The following NBEA variants were observed in gnomAD, a reference collection of about 807,000 sequenced individuals.
The protein encoded by NBEA is neurobeachin, also known as lysosomal-trafficking regulator 2.
A neutral mutation model predicts 343.4 loss-of-function variants in NBEA; 44 were observed. That is an observed-to-expected ratio of 0.13 (90% CI 0.10 to 0.16). NBEA has a LOEUF of 0.16. NBEA is among the 10% of genes least tolerant of loss of function. The pLI is 1.00. For synonymous variants in NBEA, 1,175 were observed against 1,238.7 expected (o/e 0.95, Z 1.08); for missense variants, 2,555 against 3,631.3 (o/e 0.70, Z 7.62).
chr13:35,354,173 C>T (rs536236516), intron 38 of NBEA, among the ~76,000 whole-genome samples: 1 of 152,278 alleles, frequency 6.6e-6, no homozygotes, highest in Non-Finnish European at 1.5e-5. Flanking sequence ...GCATTATAGC[C>T]TAGCCAGGTT....
intron 48 of NBEA, among the ~76,000 whole-genome samples, chr13:35,625,446 G>A (rs991912370): frequency 2.0e-5 from 3 of 151,948 alleles, no homozygotes; most frequent in East Asian, 1.9e-4. Context: ...GCGAAACCCT[G>A]TCCCTGCAAT....
intron 47 of NBEA, among the ~76,000 whole-genome samples, chr13:35,603,896 CTT>C (rs906726029): frequency 4.6e-5 from 7 of 152,212 alleles, no homozygotes; most frequent in African/African-American, 1.7e-4. Context: ...TTCTCTGCGC[CTT>C]TTACTAATTC....
intron 10 of NBEA, among the ~76,000 whole-genome samples, chr13:35,083,527 A>G (rs2064544554): frequency 6.6e-6 from 1 of 152,140 alleles, no homozygotes; most frequent in Admixed American, 6.6e-5. Flanking sequence ...TAATTGAAGG[A>G]GTAATAAAAT....
chr13:35,485,353 G>A (rs2076271535), intron 41 of NBEA, among the ~76,000 whole-genome samples: 1 of 151,948 alleles, frequency 6.6e-6, no homozygotes, highest in Non-Finnish European at 1.5e-5. Context: ...AAACCACTCT[G>A]CTGGAGCTGT....
intron 38 of NBEA, among the ~76,000 whole-genome samples, chr13:35,381,815 C>T (rs2042025291): frequency 6.6e-6 from 1 of 152,022 alleles, no homozygotes; most frequent in Non-Finnish European, 1.5e-5. Context: ...CACCTTAATC[C>T]TTAATGAAAT....
intron 1 of NBEA, among the ~76,000 whole-genome samples, chr13:34,986,597 C>T (rs890470903): frequency 6.6e-6 from 1 of 150,530 alleles, no homozygotes; most frequent in African/African-American, 2.4e-5. Flanking sequence ...CCTTGTTAAC[C>T]TTTGGTCTCA....
chr13:35,070,641 T>C (rs1166595261), intron 9 of NBEA, 78 bp from the exon 10 acceptor site: 17 of 1,280,396 alleles, frequency 1.3e-5, no homozygotes, highest in Non-Finnish European at 1.7e-5. Context: ...AATTCTATTA[T>C]AAAGGTATTT....
chr13:35,326,908 A>G (rs2038600931), intron 36 of NBEA, among the ~76,000 whole-genome samples: 1 of 152,118 alleles, frequency 6.6e-6, no homozygotes, highest in Non-Finnish European at 1.5e-5. Flanking sequence ...AATATCCGGA[A>G]TCTATAAAGA....
chr13:35,273,156 T>G (rs2034301640), intron 34 of NBEA, among the ~76,000 whole-genome samples: 1 of 152,184 alleles, frequency 6.6e-6, no homozygotes, highest in African/African-American at 2.4e-5. Context: ...AAACTTTCTC[T>G]CAGACCACAG....
intron 38 of NBEA, among the ~76,000 whole-genome samples, chr13:35,391,646 C>T (rs4477557): frequency 0.7 from 106,343 of 151,788 alleles, 39,408 homozygotes; most frequent in Non-Finnish European, 0.81. Flanking sequence ...ATTGTAGATG[C>T]ATGAAGTATG....
intron 17 of NBEA, among the ~76,000 whole-genome samples, chr13:35,128,640 A>G (rs1291927536): frequency 2.0e-5 from 3 of 152,088 alleles, no homozygotes; most frequent in Non-Finnish European, 4.4e-5. Flanking sequence ...GGATCTCATC[A>G]TTTAAAATTC....
At chr13:35,035,412 T>C (rs1212451547) in intron 1 of NBEA, among the ~76,000 whole-genome samples, 1 of 152,018 alleles carries the variant, frequency 6.6e-6, no homozygotes, top group African/African-American at 2.4e-5. Context: ...TGTCTCAAGA[T>C]TTGTTTTGTG....
intron 27 of NBEA, among the ~76,000 whole-genome samples, chr13:35,174,895 C>T (rs927762448): frequency 2.6e-5 from 4 of 151,470 alleles, no homozygotes; most frequent in South Asian, 2.1e-4. Context: ...TGGATTCAAG[C>T]GATTCTCCTG....
At chr13:35,472,832 A>G (rs560646118) in intron 41 of NBEA, among the ~76,000 whole-genome samples, 1 of 152,326 alleles carries the variant, frequency 6.6e-6, no homozygotes, top group South Asian at 2.1e-4. Context: ...GGGGCCCAGA[A>G]TCTCAGGCTC....
rs975530510 is a variant in NBEA, at chr13:35,217,057, T to C, written c.5648+5878T>C. ...CAGTTTCTCCTCATTGTTACCAGCA[T>C]TTTTTTAAGCATTCTGATAGTATGT... is the stretch of plus-strand genomic sequence containing the variant. On this transcript the variant is annotated intron_variant, in intron 33 of 58. Coordinates refer to ENST00000379939, the MANE Select transcript of NBEA (RefSeq NM_001385012.1). 2.6e-5 allele frequency among the ~76,000 whole-genome samples: 4 copies of C among 152,062 alleles called. No homozygotes were observed. In the East Asian group the frequency reaches 7.7e-4, roughly 29 times the overall value.
chr13:35,266,355 T>TGAATTA (rs1454416798), intron 34 of NBEA, among the ~76,000 whole-genome samples: 5 of 151,752 alleles, frequency 3.3e-5, no homozygotes, highest in Non-Finnish European at 1.5e-5. Flanking sequence ...CAAAGGAAAT[T>TGAATTA]GAATTAGTAT....
At chr13:35,382,236 A>G (rs1016972606) in intron 38 of NBEA, among the ~76,000 whole-genome samples, 4 of 152,182 alleles carry the variant, frequency 2.6e-5, no homozygotes, top group Non-Finnish European at 5.9e-5. Context: ...GACTCTCTTC[A>G]TGATGTCTTT....
At chr13:35,445,082 A>G (rs372167892) in intron 39 of NBEA, among the ~76,000 whole-genome samples, 2 of 152,112 alleles carry the variant, frequency 1.3e-5, no homozygotes, top group Non-Finnish European at 2.9e-5. Flanking sequence ...AGTAACTCCA[A>G]CTGAAGGAAA....
intron 17 of NBEA, among the ~76,000 whole-genome samples, chr13:35,131,904 G>A (rs578237599): frequency 2.6e-5 from 4 of 152,200 alleles, no homozygotes; most frequent in South Asian, 2.1e-4. Context: ...AGTAAAGAAC[G>A]TAACTAATCC....
Sources: allele counts gnomAD v4.1 joint callset (sites outside exome capture counted in the v4.1 genomes callset), GRCh38; gene constraint gnomAD v4.1.1; transcripts MANE v1.5; gene names NCBI Gene and HGNC (gene_info 2026-07-23, HGNC 2026-07-21).